PCDHA7: variants seen among roughly 807,000 people sequenced by gnomAD.
PCDHA7 encodes the protein protocadherin alpha 7.
PCDHA7 carries 37 observed loss-of-function variants against 57.2 expected under a neutral mutation model. The ratio of observed to expected loss-of-function variants is 0.65; its 90% CI spans 0.50 to 0.85. The LOEUF is 0.85. PCDHA7 is among the 40% of genes least tolerant of loss of function. The pLI is 0.00. For missense variants in PCDHA7, 1,188 were observed against 1,241.8 expected (o/e 0.96, Z 0.65); for synonymous variants, 553 against 558.8 (o/e 0.99, Z 0.15).
chr5:140,843,178 C>G, intron 1 of PCDHA7: 1 of 1,596,102 alleles, frequency 6.3e-7, no homozygotes, highest in Admixed American at 1.7e-5. Flanking sequence ...GCAGCCCTCG[C>G]ATCCCGTTCC....
chr5:140,978,233 AT>A (rs1360475808), intron 1 of PCDHA7, among the ~76,000 whole-genome samples: 2 of 152,196 alleles, frequency 1.3e-5, no homozygotes, highest in African/African-American at 4.8e-5. Context: ...TTTTTCTTGG[AT>A]TTCAGCTACT....
chr5:140,979,146 TC>T (rs2096836943), intron 2 of PCDHA7, 139 bp downstream of exon 2: 2 of 1,444,078 alleles, frequency 1.4e-6, no homozygotes, highest in African/African-American at 2.9e-5. Context: ...AATTATTTTG[TC>T]CCCATGTTTA....
At chr5:140,911,271 C>G (rs2075400243) in intron 1 of PCDHA7, among the ~76,000 whole-genome samples, 1 of 152,072 alleles carries the variant, frequency 6.6e-6, no homozygotes, top group Non-Finnish European at 1.5e-5. Flanking sequence ...TCTCAGTGTC[C>G]CCAGCTTCAT....
chr5:140,843,519 G>C (rs1392443820), intron 1 of PCDHA7: 3 of 1,595,904 alleles, frequency 1.9e-6, no homozygotes, highest in Non-Finnish European at 2.6e-6. Context: ...GGCGGGTGCC[G>C]GGCGGGCAAG....
chr5:140,862,934 G>C (rs1050739882), intron 1 of PCDHA7: 3 of 542,192 alleles, frequency 5.5e-6, no homozygotes, highest in African/African-American at 2.0e-5. Flanking sequence ...TGGCGGCGCT[G>C]TGAGTGAGCT....
intron 1 of PCDHA7, among the ~76,000 whole-genome samples, chr5:140,964,392 C>A (rs2095829219): frequency 6.6e-6 from 1 of 152,072 alleles, no homozygotes; most frequent in African/African-American, 2.4e-5. Flanking sequence ...GGTTTTTCTC[C>A]CAAGACATGA....
rs1467581889 is a variant in PCDHA7, at chr5:140,835,757, C to G, written c.1374C>G (p.Pro458=). The part of the protein sequence containing the change: ...VNDNAPAFAQ[P]EYTVFVKENN... Reference sequence around the variant, plus strand: ...ACAACGCCCCGGCGTTCGCGCAGCCCGAGTATACGGTGTTCGTGAAGGAGA... The same window carrying G: ...ACAACGCCCCGGCGTTCGCGCAGCCGGAGTATACGGTGTTCGTGAAGGAGA... The change falls in exon 1 of 4, where the codon CCC becomes CCG. Residue 458 remains proline, a synonymous_variant. Transcript: ENST00000525929. 3.1e-6 allele frequency: 5 copies of G among 1,613,396 alleles called. No individual in the cohort carries two copies. The highest frequency in any genetic ancestry group is 1.3e-5 in the African/African-American group (1 of 75,016).
chr5:140,966,427 C>T (rs2096001144), intron 1 of PCDHA7: 1 of 421,646 alleles, frequency 2.4e-6, no homozygotes, highest in African/African-American at 2.1e-5. Context: ...CTTGCTGAGC[C>T]CTCCTACCGC....
At position 140,927,110 on chromosome 5, in the gene PCDHA7, G is replaced by T; in HGVS notation, c.2356-51839G>T. The T allele has an allele frequency of 3.7e-6, 6 of 1,613,752 alleles. No individual in the cohort carries two copies. The Middle Eastern group carries it at 8.3e-4, about 222-fold the overall frequency. On this transcript the variant is annotated intron_variant, in intron 1 of 3. Transcript: ENST00000525929. ...TACTTCGGGGTGGATCTACCCAGCG[G>T]CAATTTGGTGGTCAGAGAGCCGGCG...
chr5:140,858,256 G>C, intron 1 of PCDHA7: 1 of 1,596,658 alleles, frequency 6.3e-7, no homozygotes, highest in Non-Finnish European at 8.6e-7. Context: ...TGAAGCCCAC[G>C]CTGGTGTGCT....
At chr5:140,914,426 A>T (rs1554196349) in intron 1 of PCDHA7, among the ~76,000 whole-genome samples, 1 of 152,140 alleles carries the variant, frequency 6.6e-6, no homozygotes. Context: ...TTAGCAAGGA[A>T]TATCTTTTCC....
rs149972776 is a variant in PCDHA7, at chr5:140,883,738, C to G, written c.2355+47000C>G. On this transcript the variant is annotated intron_variant, in intron 1 of 3. Transcript: ENST00000525929. The stretch of plus-strand genomic sequence containing the variant: ...CGGACGCACAGGAGAACGCGCTGGT[C>G]TCCTACTCGCTGGTGGAGCGGCGGG... 852 of 1,613,378 alleles carry G rather than the reference C, an allele frequency of 5.3e-4. 5 individuals carry two copies. In the African/African-American group the frequency reaches 9.2e-3, roughly 17 times the overall value.
At chr5:140,852,255 T>A (rs1554145733) in intron 1 of PCDHA7, 1 of 511,528 alleles carries the variant, frequency 2.0e-6, no homozygotes, top group Middle Eastern at 9.9e-4. Context: ...ACTTTTGGAA[T>A]ATGCTACAAT....
chr5:140,999,764 T>G (rs1587850651), intron 3 of PCDHA7, among the ~76,000 whole-genome samples: 1 of 152,284 alleles, frequency 6.6e-6, no homozygotes, highest in East Asian at 1.9e-4. Flanking sequence ...CATGATGTCT[T>G]TATACTCTTA....
At chr5:141,005,490 TC>T (rs1451220963) in intron 3 of PCDHA7, among the ~76,000 whole-genome samples, 1 of 151,242 alleles carries the variant, frequency 6.6e-6, no homozygotes. Flanking sequence ...GATCATGAGG[TC>T]AGGAGATCGA....
chr5:141,006,568 T>C (rs2098278532), intron 3 of PCDHA7, among the ~76,000 whole-genome samples: 1 of 152,110 alleles, frequency 6.6e-6, no homozygotes, highest in Non-Finnish European at 1.5e-5. Flanking sequence ...CTCTGGCTAC[T>C]GTGTGGAGGG....
At chr5:140,898,366 A>G (rs1401153740) in intron 1 of PCDHA7, among the ~76,000 whole-genome samples, 1 of 152,132 alleles carries the variant, frequency 6.6e-6, no homozygotes, top group Non-Finnish European at 1.5e-5. Flanking sequence ...TAATTTTTGT[A>G]TAAGGTGTAA....
Position 140,834,412 on chromosome 5 carries a change from G to A in PCDHA7, c.29G>A (p.Gly10Glu), listed in dbSNP as rs2150217251. The A allele has an allele frequency of 3.1e-6, 5 of 1,611,044 alleles. No individual in the cohort carries two copies. The highest frequency in any genetic ancestry group is 4.2e-6 in the Non-Finnish European group (5 of 1,178,106). Residue 10 changes from glycine (G) to glutamate (E), a missense_variant, in exon 1 of 4, where the codon GGG (glycine) becomes GAG (glutamate). Around this residue, in one of 3 missense-constraint regions of PCDHA7, gnomAD observed 194 missense variants for 185.8 expected, o/e 1.04. Transcript: ENST00000525929. ...GTGTGCCCGAATGGATACGACCCAG[G>A]GGGCCGACATCTACTGCTGTTTATT... MVCPNGYDPGGRHLLLFIII... is the reference protein window; with the variant it reads MVCPNGYDPEGRHLLLFIII...
intron 1 of PCDHA7, chr5:140,876,188 G>T: frequency 6.2e-7 from 1 of 1,613,944 alleles, no homozygotes; most frequent in South Asian, 1.1e-5. Flanking sequence ...AATGACAATG[G>T]TCCGGCGTTT....
Sources: allele counts gnomAD v4.1 joint callset (sites outside exome capture counted in the v4.1 genomes callset), GRCh38; gene constraint gnomAD v4.1.1; regional missense constraint gnomAD v4.1.1; transcripts MANE v1.5; gene names NCBI Gene and HGNC (gene_info 2026-07-23, HGNC 2026-07-21).